Variants in NR5A2 observed in about 807,000 individuals in gnomAD.
The protein encoded by NR5A2 is CYP7A promoter-binding factor.
A neutral mutation model predicts 62.7 loss-of-function variants in NR5A2; 26 were observed. The observed-to-expected ratio is 0.41, with a 90% CI of 0.30 to 0.58. The LOEUF (loss-of-function observed/expected upper bound fraction) is 0.58, where lower values mean the gene tolerates loss of function less well. Ranked by LOEUF, NR5A2 falls within the 20% of genes least tolerant of loss-of-function variation. The pLI is 0.22. For missense variants in NR5A2, 541 were observed against 669.1 expected (o/e 0.81, Z 2.11); for synonymous variants, 246 against 241.7 (o/e 1.02, Z -0.16).
chr1:200,149,671 A>G (rs1427814800), intron 7 of NR5A2, among the ~76,000 whole-genome samples: 1 of 152,202 alleles, frequency 6.6e-6, no homozygotes, highest in African/African-American at 2.4e-5. Context: ...GCACACACTC[A>G]GAAAACCATA....
At chr1:200,062,244 T>TGC (rs1373906012) in intron 5 of NR5A2, among the ~76,000 whole-genome samples, 1 of 151,840 alleles carries the variant, frequency 6.6e-6, no homozygotes, top group Non-Finnish European at 1.5e-5. Flanking sequence ...TGTGTGTGTG[T>TGC]GTGTGTGTGT....
intron 5 of NR5A2, among the ~76,000 whole-genome samples, chr1:200,073,827 G>A (rs576515394): frequency 1.3e-5 from 2 of 152,098 alleles, no homozygotes; most frequent in South Asian, 2.1e-4. Flanking sequence ...ATACGAAGTC[G>A]GTTAAGATAC....
In NR5A2 at chr1:200,048,556, C is replaced by T. The variant is rs763405171; in HGVS notation, c.848C>T (p.Ser283Phe). ...YPDPYTSSPE[S>F]IMGYSYMDSY... is the part of the protein sequence containing the mutation. ...GACCCCTATACCAGCTCACCCGAGTCCATAATGGGCTATTCATATATGGAT... is the reference window on the plus strand; with the variant it reads ...GACCCCTATACCAGCTCACCCGAGTTCATAATGGGCTATTCATATATGGAT... Residue 283 changes from serine (S) to phenylalanine (F), a missense_variant, in exon 5 of 8, where the codon TCC becomes TTC. By Grantham distance (155) the Ser-to-Phe change is radical (BLOSUM62 -2). This residue lies in a region of NR5A2 where 379 missense variants were observed against 442.0 expected (regional missense o/e 0.86). Transcript: ENST00000367362. The surrounding 1 kb of genome is among the most constrained non-coding windows in gnomAD (Gnocchi z 4.8). 26 of 1,614,050 alleles carry T rather than the reference C, an allele frequency of 1.6e-5. 1 individual carries two copies. In the East Asian group the frequency reaches 2.0e-4, roughly 12 times the overall value.
chr1:200,120,836 C>G lies in NR5A2; in HGVS notation c.1259C>G (p.Ala420Gly), dbSNP rs780604273. 1 of 1,577,276 alleles carries G rather than the reference C, an allele frequency of 6.3e-7. No homozygotes were observed. Among genetic ancestry groups the G allele is most frequent in the Non-Finnish European group, 8.6e-7 (1 of 1,164,966 alleles). ...QVDYSIIASQ[A>G]GATLNNLMSH... is the part of the protein sequence containing the mutation. Reference sequence around the variant, plus strand: ...GACTATTCCATAATAGCATCACAAGCCGGAGCCACCCTCAACAACCTCATG... The same window carrying G: ...GACTATTCCATAATAGCATCACAAGGCGGAGCCACCCTCAACAACCTCATG... Residue 420 changes from alanine (A) to glycine (G), a missense_variant, in exon 7 of 8, where the codon GCC (alanine) becomes GGC (glycine). Physicochemically the swap from Ala to Gly is moderately conservative, Grantham distance 60. Around this residue, in one of 3 missense-constraint regions of NR5A2, gnomAD observed 379 missense variants for 442.0 expected, o/e 0.86. Transcript: ENST00000367362.
intron 7 of NR5A2, among the ~76,000 whole-genome samples, chr1:200,165,337 T>C (rs114906194): frequency 1.1e-4 from 17 of 152,158 alleles, no homozygotes; most frequent in Non-Finnish European, 1.8e-4. Flanking sequence ...TGCCGCTACA[T>C]TGACACATCC....
At chr1:200,137,143 TTTTA>T (rs72183793) in intron 7 of NR5A2, among the ~76,000 whole-genome samples, 2 of 78,882 alleles carry the variant, frequency 2.5e-5, no homozygotes, top group East Asian at 8.0e-4. Context: ...CCAGATTTTA[TTTTA>T]TTTATTTATT....
intron 7 of NR5A2, among the ~76,000 whole-genome samples, chr1:200,158,471 T>C (rs1653485002): frequency 6.6e-6 from 1 of 152,236 alleles, no homozygotes; most frequent in African/African-American, 2.4e-5. Context: ...ATCTTCAACA[T>C]TTAAAAATTG....
intron 1 of NR5A2, among the ~76,000 whole-genome samples, chr1:200,031,601 A>G (rs1258546867): frequency 4.1e-5 from 5 of 120,612 alleles, no homozygotes; most frequent in African/African-American, 1.6e-4. Flanking sequence ...TTTTTGAGGC[A>G]GAGTTTCACT....
At chr1:200,130,301 AAGAAGAAGAAGAAGAAGAAG>A (rs1329190856) in intron 7 of NR5A2, among the ~76,000 whole-genome samples, 81 of 76,514 alleles carry the variant, frequency 1.1e-3, no homozygotes, top group Non-Finnish European at 1.8e-3. Flanking sequence ...GAAGAAGAAG[AAGAAGAAGAAGAAGAAGAAG>A]AAAAAAAAAA....
At chr1:200,169,609 C>A (rs1472648818) in intron 7 of NR5A2, among the ~76,000 whole-genome samples, 1 of 152,202 alleles carries the variant, frequency 6.6e-6, no homozygotes, top group East Asian at 1.9e-4. Flanking sequence ...GAGCACCCCA[C>A]TGTGAGCTTA....
chr1:200,171,095 C>CA (rs34016616), intron 7 of NR5A2, among the ~76,000 whole-genome samples: 2,583 of 152,222 alleles, frequency 0.017, 34 homozygotes, highest in Non-Finnish European at 0.025. Context: ...AGCATCAAGG[C>CA]AGGCAGCAGA....
At chr1:200,046,213 G>A (rs1662355972) in intron 4 of NR5A2, among the ~76,000 whole-genome samples, 1 of 152,136 alleles carries the variant, frequency 6.6e-6, no homozygotes, top group Non-Finnish European at 1.5e-5. Context: ...ATTAGCAAAG[G>A]TCTGAAAAGA....
rs560345249 is a variant in NR5A2, at chr1:200,082,106, C to T, written c.1111-29096C>T. On this transcript the variant is annotated intron_variant, in intron 5 of 7. Transcript: ENST00000367362. ...CCCGTCCTCCCCTCCACACCAACCC[C>T]AAATGCCAGAGACAGCATTCTCATT... Among the ~76,000 whole-genome samples the T allele has an allele frequency of 2.6e-5, 4 of 152,234 alleles. No individual in the cohort carries two copies. In the East Asian group the frequency reaches 7.7e-4, roughly 29 times the overall value.
intron 5 of NR5A2, among the ~76,000 whole-genome samples, chr1:200,056,954 C>G (rs1448301681): frequency 6.6e-6 from 1 of 152,110 alleles, no homozygotes; most frequent in African/African-American, 2.4e-5. Flanking sequence ...CCCTCCTGTT[C>G]GATATAGTCT....
intron 7 of NR5A2, among the ~76,000 whole-genome samples, chr1:200,155,250 T>C (rs968727700): frequency 1.2e-4 from 18 of 152,258 alleles, no homozygotes; most frequent in Non-Finnish European, 1.9e-4. Context: ...ACAGTTGTTC[T>C]GTGCACACAA....
chr1:200,109,824 G>T (rs185951671), intron 5 of NR5A2, among the ~76,000 whole-genome samples: 1 of 152,140 alleles, frequency 6.6e-6, no homozygotes, highest in African/African-American at 2.4e-5. Flanking sequence ...GAGTGCAGTG[G>T]CATGATCTCT....
intron 1 of NR5A2, chr1:200,029,202 G>C (rs1157440213): frequency 3.3e-6 from 1 of 301,010 alleles, no homozygotes; most frequent in East Asian, 1.6e-4. Flanking sequence ...GCTCGGGCCG[G>C]AGACGCGGAC....
intron 7 of NR5A2, among the ~76,000 whole-genome samples, chr1:200,132,221 G>C (rs1251217904): frequency 6.6e-6 from 1 of 152,130 alleles, no homozygotes; most frequent in Non-Finnish European, 1.5e-5. Flanking sequence ...TGTTGGCCAG[G>C]CTGGTCTCAA....
At position 200,174,317 on chromosome 1, in the gene NR5A2, C is replaced by A; in HGVS notation, c.*107C>A. On this transcript the variant is annotated 3_prime_UTR_variant, in exon 8 of 8. Coordinates refer to ENST00000367362, the MANE Select transcript of NR5A2 (RefSeq NM_205860.3). Reference sequence around the variant, plus strand: ...AAGTACTCTGAACTGCTCCAAGTAACGCTAATTAAAAACTTGCTTTAAAGA... The same window carrying A: ...AAGTACTCTGAACTGCTCCAAGTAAAGCTAATTAAAAACTTGCTTTAAAGA... The A allele has an allele frequency of 2.6e-6, 3 of 1,136,986 alleles. No individual in the cohort carries two copies. The highest frequency in any genetic ancestry group is 3.5e-6 in the Non-Finnish European group (3 of 864,340). 70.4% of individuals were successfully genotyped at this position (1,136,986 alleles called of 1,614,324 possible).
Sources: allele counts gnomAD v4.1 joint callset (sites outside exome capture counted in the v4.1 genomes callset), GRCh38; gene constraint gnomAD v4.1.1; regional missense constraint gnomAD v4.1.1; non-coding constraint Gnocchi (gnomAD v3.1); transcripts MANE v1.5; gene names NCBI Gene and HGNC (gene_info 2026-07-23, HGNC 2026-07-21).